FMNL2: variants seen among roughly 807,000 people sequenced by gnomAD.
FMNL2 encodes formin-like protein 2.
In FMNL2, 51 loss-of-function variants were observed where a neutral mutation model predicts 130.2. That is an observed-to-expected ratio of 0.39 (90% CI 0.31 to 0.49). FMNL2 has a LOEUF of 0.49. FMNL2 is among the 20% of genes least tolerant of loss of function. The pLI is 0.85. For synonymous variants in FMNL2, 465 were observed against 467.1 expected, an observed-to-expected ratio of 1.00 and a Z score of 0.06; for missense variants, 977 against 1,316.2, an observed-to-expected ratio of 0.74 and a Z score of 3.99.
chr2:152,403,721 T>C (rs1685831149), intron 1 of FMNL2, among the ~76,000 whole-genome samples: 1 of 152,196 alleles, frequency 6.6e-6, no homozygotes, highest in South Asian at 2.1e-4. Context: ...CCAATTCACG[T>C]CACCTTTGTG....
chr2:152,372,550 C>T (rs1022312643), intron 1 of FMNL2, among the ~76,000 whole-genome samples: 9 of 152,156 alleles, frequency 5.9e-5, no homozygotes, highest in African/African-American at 2.2e-4. Flanking sequence ...CCCATTTATT[C>T]TTGGGATGCT....
chr2:152,497,344 G>A (rs1691571263), intron 1 of FMNL2, among the ~76,000 whole-genome samples: 1 of 152,052 alleles, frequency 6.6e-6, no homozygotes, highest in Non-Finnish European at 1.5e-5. Context: ...TTAGAATAGA[G>A]TACTGTTTTC....
intron 9 of FMNL2, among the ~76,000 whole-genome samples, chr2:152,592,683 A>T (rs1468337548): frequency 6.6e-6 from 1 of 152,098 alleles, no homozygotes; most frequent in African/African-American, 2.4e-5. Context: ...TATTTTGTTA[A>T]TTCTTAGATG....
At chr2:152,477,746 G>A (rs2105214083) in intron 1 of FMNL2, among the ~76,000 whole-genome samples, 1 of 152,208 alleles carries the variant, frequency 6.6e-6, no homozygotes, top group East Asian at 1.9e-4. Context: ...AGTATAGGTT[G>A]GACAATAACG....
At chr2:152,394,662 C>A (rs1178402184) in intron 1 of FMNL2, among the ~76,000 whole-genome samples, 1 of 149,682 alleles carries the variant, frequency 6.7e-6, no homozygotes, top group Admixed American at 6.7e-5. Flanking sequence ...AACTTGATCT[C>A]CCACACTAGG....
intron 9 of FMNL2, among the ~76,000 whole-genome samples, chr2:152,602,864 G>A (rs1698156857): frequency 6.6e-6 from 1 of 152,208 alleles, no homozygotes; most frequent in Non-Finnish European, 1.5e-5. Context: ...CATCCTCACC[G>A]ATTTTCTAAA....
chr2:152,490,517 G>A (rs1174101492), intron 1 of FMNL2, among the ~76,000 whole-genome samples: 2 of 150,086 alleles, frequency 1.3e-5, no homozygotes, highest in Admixed American at 6.7e-5. Context: ...GAATTTAACA[G>A]CTCTGTTGTA....
At chr2:152,635,227 T>C (rs1489801077) in intron 21 of FMNL2, among the ~76,000 whole-genome samples, 1 of 152,218 alleles carries the variant, frequency 6.6e-6, no homozygotes, top group East Asian at 1.9e-4. Flanking sequence ...TCTTGTGTGG[T>C]TCCAAGAGGA....
intron 10 of FMNL2, among the ~76,000 whole-genome samples, chr2:152,610,246 G>C (rs1488793241): frequency 2.0e-5 from 3 of 152,108 alleles, no homozygotes; most frequent in Non-Finnish European, 4.4e-5. Context: ...TTCACATTTT[G>C]TACAACATAA....
chr2:152,427,011 G>A (rs1250483129), intron 1 of FMNL2, among the ~76,000 whole-genome samples: 2 of 152,256 alleles, frequency 1.3e-5, no homozygotes, highest in South Asian at 2.1e-4. Flanking sequence ...ATGTAATAGC[G>A]AGTCAGTGTT....
intron 1 of FMNL2, among the ~76,000 whole-genome samples, chr2:152,392,746 C>A (rs1006165492): frequency 1.3e-5 from 2 of 152,174 alleles, no homozygotes; most frequent in African/African-American, 4.8e-5. Context: ...ACATTCAAAC[C>A]ATAACACCCC....
intron 1 of FMNL2, among the ~76,000 whole-genome samples, chr2:152,512,262 T>G (rs1173339345): frequency 6.6e-6 from 1 of 152,206 alleles, no homozygotes; most frequent in Non-Finnish European, 1.5e-5. Flanking sequence ...CTAATGAAAA[T>G]CAGACATGAA....
At chr2:152,367,074 T>TGTGTG (rs70974856) in intron 1 of FMNL2, among the ~76,000 whole-genome samples, 3 of 81,962 alleles carry the variant, frequency 3.7e-5, no homozygotes, top group Non-Finnish European at 1.0e-4. Flanking sequence ...TGTGTGTGTG[T>TGTGTG]TTGTTTTTTT....
intron 21 of FMNL2, among the ~76,000 whole-genome samples, chr2:152,635,170 T>C (rs1682487426): frequency 6.6e-6 from 1 of 152,228 alleles, no homozygotes; most frequent in African/African-American, 2.4e-5. Flanking sequence ...CTTTCAAATT[T>C]GCTTTAAAAG....
chr2:152,547,384 C>A (rs1694703833), intron 3 of FMNL2, among the ~76,000 whole-genome samples: 1 of 152,150 alleles, frequency 6.6e-6, no homozygotes, highest in South Asian at 2.1e-4. Flanking sequence ...GAGGGGAGTG[C>A]CTCTCTTTTT....
At chr2:152,548,711 T>C (rs926987055) in intron 3 of FMNL2, among the ~76,000 whole-genome samples, 1 of 152,204 alleles carries the variant, frequency 6.6e-6, no homozygotes, top group Non-Finnish European at 1.5e-5. Flanking sequence ...AATGAATCAT[T>C]GAAACTGGAG....
intron 1 of FMNL2, among the ~76,000 whole-genome samples, chr2:152,489,910 G>A (rs760647474): frequency 1.3e-5 from 2 of 152,098 alleles, no homozygotes; most frequent in African/African-American, 2.4e-5. Flanking sequence ...TTTCTTAGTC[G>A]TATTAACTGA....
At chr2:152,506,804 G>A (rs754981241) in intron 1 of FMNL2, among the ~76,000 whole-genome samples, 1 of 150,852 alleles carries the variant, frequency 6.6e-6, no homozygotes, top group Non-Finnish European at 1.5e-5. Context: ...TACTAATTTA[G>A]TGGCTGTTTG....
intron 1 of FMNL2, among the ~76,000 whole-genome samples, chr2:152,369,594 T>G (rs1235536093): frequency 6.6e-6 from 1 of 152,198 alleles, no homozygotes; most frequent in East Asian, 1.9e-4. Context: ...TTGGTGCACT[T>G]ACTGCGTGCC....
Sources: gnomAD v4.1 joint callset for allele counts (sites outside exome capture counted in the v4.1 genomes callset) on GRCh38, gnomAD v4.1.1 for gene constraint, MANE v1.5 for transcripts, NCBI Gene and HGNC (gene_info 2026-07-23, HGNC 2026-07-21) for gene names.